The following AKIRIN2 variants were observed in gnomAD, a reference collection of about 807,000 sequenced individuals.
AKIRIN2 encodes the protein akirin-2.
A neutral mutation model predicts 29.3 loss-of-function variants in AKIRIN2; 6 were observed. The ratio of observed to expected loss-of-function variants is 0.20; its 90% CI spans 0.11 to 0.40. The LOEUF is 0.40. Ranked by LOEUF, AKIRIN2 falls within the 10% of genes least tolerant of loss-of-function variation. The pLI is 1.00. For missense variants in AKIRIN2, 210 were observed against 276.1 expected (o/e 0.76, Z 1.70); for synonymous variants, 128 against 117.5 (o/e 1.09, Z -0.58).
rs1435989679 is a variant in AKIRIN2, at chr6:87,675,527, T to G, written c.*70A>C. The G allele has an allele frequency of 6.3e-7, 1 of 1,581,608 alleles. No homozygotes were observed. Among genetic ancestry groups the G allele is most frequent in the South Asian group, 1.1e-5 (1 of 90,270 alleles). On this transcript the variant is annotated 3_prime_UTR_variant, in exon 5 of 5. Transcript: ENST00000257787. ...CAGAAGGGGTATTGGCATTGCTGCATGTCATAATTGGGACCTCTTGCAACA... is the reference window on the plus strand; with the variant it reads ...CAGAAGGGGTATTGGCATTGCTGCAGGTCATAATTGGGACCTCTTGCAACA...
At chr6:87,680,639 G>C (rs926022543) in intron 2 of AKIRIN2, among the ~76,000 whole-genome samples, 9 of 151,892 alleles carry the variant, frequency 5.9e-5, no homozygotes, top group South Asian at 2.1e-4. Context: ...TTGAACAAAG[G>C]CAACTGTTGT....
intron 1 of AKIRIN2, among the ~76,000 whole-genome samples, chr6:87,696,098 T>C (rs1015855509): frequency 2.6e-5 from 4 of 152,076 alleles, no homozygotes; most frequent in Admixed American, 2.0e-4. Flanking sequence ...GGGGATCATT[T>C]GAGCCCAGGA....
At chr6:87,684,724 G>T (rs756199950) in intron 1 of AKIRIN2, among the ~76,000 whole-genome samples, 2 of 152,148 alleles carry the variant, frequency 1.3e-5, no homozygotes, top group Non-Finnish European at 2.9e-5. Flanking sequence ...TTTTATTGGT[G>T]AGTATTCCAT....
Position 87,702,195 on chromosome 6 carries a change from C to G in AKIRIN2, c.-511G>C, listed in dbSNP as rs74987104. 0.02 allele frequency: 7,998 copies of G among 398,034 alleles called. 557 individuals carry two copies. Among genetic ancestry groups the G allele is most frequent in the African/African-American group, 0.14 (7,038 of 48,722 alleles). The allele number at this position is 398,034 out of a possible 1,614,324, so 24.7% of individuals were successfully genotyped here. On this transcript the variant is annotated 5_prime_UTR_variant, in exon 1 of 5. Coordinates refer to ENST00000257787, the MANE Select transcript of AKIRIN2 (RefSeq NM_018064.4). ...GTAGCTGCCGCAGCAGGAACCCAAG[C>G]GAACACGTCCAACCGCTTCCCCTCC...
At chr6:87,698,250 C>A (rs554391587) in intron 1 of AKIRIN2, among the ~76,000 whole-genome samples, 2 of 152,072 alleles carry the variant, frequency 1.3e-5, no homozygotes, top group East Asian at 3.9e-4. Context: ...CTGCTGACAC[C>A]CCACATGAGG....
Position 87,701,776 on chromosome 6 carries a change from G to A in AKIRIN2, c.-92C>T. The stretch of plus-strand genomic sequence containing the variant: ...GGGAAGGGGTGAAGAGCGGGAACTC[G>A]AGGAGAGCCTACCCGACGGGCTCAG... On this transcript the variant is annotated 5_prime_UTR_variant, in exon 1 of 5. Transcript: ENST00000257787. 1 of 947,662 alleles carries A rather than the reference G, an allele frequency of 1.1e-6. No homozygotes were observed. The highest frequency in any genetic ancestry group is 4.0e-5 in the Admixed American group (1 of 25,040). 58.7% of individuals were successfully genotyped at this position (947,662 alleles called of 1,614,324 possible).
At chr6:87,687,058 A>C (rs114546313) in intron 1 of AKIRIN2, among the ~76,000 whole-genome samples, 7 of 150,728 alleles carry the variant, frequency 4.6e-5, no homozygotes, top group African/African-American at 1.7e-4. Flanking sequence ...AAAAAAAAAA[A>C]AAAAAATCTT....
intron 1 of AKIRIN2, among the ~76,000 whole-genome samples, chr6:87,684,696 C>T (rs978558037): frequency 3.3e-5 from 5 of 152,206 alleles, no homozygotes; most frequent in African/African-American, 1.2e-4. Context: ...ATGTATGTTG[C>T]ATGAATCAGA....
chr6:87,676,596 A>AACACACGCGCGCGCACACAC lies in AKIRIN2; in HGVS notation c.530-666_530-665insGTGTGTGCGCGCGCGTGTGT, dbSNP rs1485678233. ...ATGGTGAAACCCCGTCTCTACTAAA[A>AACACACGCGCGCGCACACAC]ACACACACACACACACACACACACA... On this transcript the variant is annotated intron_variant, in intron 3 of 4. Transcript: ENST00000257787. 5.3e-4 allele frequency among the ~76,000 whole-genome samples: 75 copies of AACACACGCGCGCGCACACAC among 142,146 alleles called. 1 individual carries two copies. The highest frequency in any genetic ancestry group is 2.0e-3 in the African/African-American group (75 of 37,054). The allele number at this position is 142,146 out of a possible 152,430, so 93.3% of individuals were successfully genotyped here.
intron 1 of AKIRIN2, among the ~76,000 whole-genome samples, chr6:87,695,897 GC>G (rs1245965884): frequency 1.3e-5 from 2 of 152,088 alleles, no homozygotes; most frequent in Non-Finnish European, 2.9e-5. Flanking sequence ...GAAAAAACCT[GC>G]CGGGCACAGT....
chr6:87,690,254 C>T (rs1771257871), intron 1 of AKIRIN2, among the ~76,000 whole-genome samples: 1 of 150,120 alleles, frequency 6.7e-6, no homozygotes, highest in South Asian at 2.1e-4. Flanking sequence ...CTTAATTGAA[C>T]ATTTTTTAAA....
At chr6:87,691,485 G>A (rs1275798900) in intron 1 of AKIRIN2, among the ~76,000 whole-genome samples, 1 of 147,812 alleles carries the variant, frequency 6.8e-6, no homozygotes, top group Non-Finnish European at 1.5e-5. Flanking sequence ...TCCCATGGCT[G>A]CAACTAAAGA....
chr6:87,696,065 A>G (rs1259716314), intron 1 of AKIRIN2, among the ~76,000 whole-genome samples: 1 of 152,074 alleles, frequency 6.6e-6, no homozygotes, highest in African/African-American at 2.4e-5. Flanking sequence ...CTGTATCTCC[A>G]GGTACTTGAG....
chr6:87,696,252 A>G (rs181248172), intron 1 of AKIRIN2, among the ~76,000 whole-genome samples: 83 of 152,176 alleles, frequency 5.5e-4, no homozygotes, highest in African/African-American at 1.9e-3. Flanking sequence ...AAACTGAAGA[A>G]ATTTATATTA....
intron 1 of AKIRIN2, among the ~76,000 whole-genome samples, chr6:87,686,581 C>A (rs909582614): frequency 2.6e-5 from 4 of 151,908 alleles, no homozygotes; most frequent in Non-Finnish European, 4.4e-5. Context: ...TTCCTCCAGA[C>A]ATCATTACTA....
intron 1 of AKIRIN2, among the ~76,000 whole-genome samples, chr6:87,700,326 T>G (rs1345664387): frequency 6.6e-6 from 1 of 150,914 alleles, no homozygotes; most frequent in Non-Finnish European, 1.5e-5. Flanking sequence ...CAGAGGTATA[T>G]ACTTCGGTTT....
chr6:87,683,719 T>C (rs1384180230), intron 1 of AKIRIN2, among the ~76,000 whole-genome samples: 1 of 152,176 alleles, frequency 6.6e-6, no homozygotes, highest in African/African-American at 2.4e-5. Flanking sequence ...AGTGGCGTGA[T>C]CTCAGCTCAC....
chr6:87,688,456 A>T (rs1053824136), intron 1 of AKIRIN2, among the ~76,000 whole-genome samples: 1 of 152,070 alleles, frequency 6.6e-6, no homozygotes, highest in African/African-American at 2.4e-5. Flanking sequence ...AAAAATAAAA[A>T]AAAAAAATGC....
intron 1 of AKIRIN2, 71 bp downstream of exon 1, chr6:87,701,379 G>T: frequency 6.9e-7 from 1 of 1,443,896 alleles, no homozygotes; most frequent in Non-Finnish European, 9.1e-7. Context: ...CCCAGGGGCC[G>T]CATCCCACAC....
Sources: allele counts gnomAD v4.1 joint callset (sites outside exome capture counted in the v4.1 genomes callset), GRCh38; gene constraint gnomAD v4.1.1; transcripts MANE v1.5; gene names NCBI Gene and HGNC (gene_info 2026-07-23, HGNC 2026-07-21).